The following NFRKB variants were observed in gnomAD, a reference collection of about 807,000 sequenced individuals.
NFRKB encodes the protein nuclear factor related to kappa-B-binding protein.
Under a neutral mutation model 135.7 loss-of-function variants are expected in NFRKB, and 62 were observed. The observed-to-expected ratio is 0.46, with a 90% CI of 0.37 to 0.56. The LOEUF is 0.56. Ranked by LOEUF, NFRKB falls within the 20% of genes least tolerant of loss-of-function variation. The pLI is 0.00. For missense variants in NFRKB, 1,545 were observed against 1,662.0 expected, an observed-to-expected ratio of 0.93 and a Z score of 1.22; for synonymous variants, 678 against 635.6, an observed-to-expected ratio of 1.07 and a Z score of -1.00.
chr11:129,878,968 T>C (rs1948902051), intron 13 of NFRKB, among the ~76,000 whole-genome samples: 1 of 152,226 alleles, frequency 6.6e-6, no homozygotes, highest in Admixed American at 6.5e-5. Context: ...GGCTTCTGGC[T>C]AGTGGGGCAC....
intron 12 of NFRKB, 36 bp from the exon 13 acceptor site, chr11:129,881,544 G>C: frequency 6.2e-7 from 1 of 1,612,556 alleles, no homozygotes; most frequent in Non-Finnish European, 8.5e-7. Flanking sequence ...AACCATACAG[G>C]TGCGTCCCTG....
Position 129,864,495 on chromosome 11 carries a change from T to C in NFRKB, c.*230A>G. ...CTGCAATTTCAACAGAATATTCTCCTAGATTGGTAGAGAGCAGACCTTGGA... is the reference window on the plus strand; with the variant it reads ...CTGCAATTTCAACAGAATATTCTCCCAGATTGGTAGAGAGCAGACCTTGGA... On this transcript the variant is annotated 3_prime_UTR_variant, in exon 27 of 27. Transcript: ENST00000682444. The C allele has an allele frequency of 1.9e-6, 1 of 516,560 alleles. No homozygotes were observed. Among genetic ancestry groups the C allele is most frequent in the Non-Finnish European group, 3.5e-6 (1 of 289,032 alleles). 32.0% of individuals were successfully genotyped at this position (516,560 alleles called of 1,614,324 possible). A position where few individuals can be genotyped will look rare whatever the true frequency, so the allele number is the denominator to read the frequency against.
At position 129,869,645 on chromosome 11, in the gene NFRKB, G is replaced by A. The variant is rs1346322264; in HGVS notation, c.3380C>T (p.Ser1127Leu). Reference sequence around the variant, plus strand: ...ATTCATACTGGGTAAGGACACCGCTGAAGTATGGACAGTTCCAGACCCACT... The same window carrying A: ...ATTCATACTGGGTAAGGACACCGCTAAAGTATGGACAGTTCCAGACCCACT... ...VASGSGTVHT[S>L]AVSLPSMNAA... Residue 1127 changes from serine (S) to leucine (L), a missense_variant, in exon 24 of 27, where the codon TCA (serine) becomes TTA (leucine). Around this residue, in one of 3 missense-constraint regions of NFRKB, gnomAD observed 753 missense variants for 804.3 expected, o/e 0.94. Transcript: ENST00000682444. The A allele has an allele frequency of 2.5e-6, 4 of 1,614,230 alleles. No homozygotes were observed. Among genetic ancestry groups the A allele is most frequent in the African/African-American group, 2.7e-5 (2 of 75,062 alleles).
rs748268009 is a variant in NFRKB, at chr11:129,865,867, T to C, written c.3638+10A>G. The C allele has an allele frequency of 1.9e-6, 3 of 1,613,540 alleles. No homozygotes were observed. The highest frequency in any genetic ancestry group is 2.5e-6 in the Non-Finnish European group (3 of 1,179,556). On this transcript the variant is annotated intron_variant, in intron 25 of 26. Coordinates refer to ENST00000682444, the MANE Select transcript of NFRKB (RefSeq NM_001143835.2). ...CCGAATTGGTTCCTTTACCATGACA[T>C]AGTACTTACTTGGCTCCAAGGTTGC... is the stretch of plus-strand genomic sequence containing the variant.
At position 129,873,603 on chromosome 11, in the gene NFRKB, G is replaced by C. The variant is rs1948619732; in HGVS notation, c.2550+142C>G. 3.4e-6 allele frequency: 4 copies of C among 1,167,340 alleles called. No homozygotes were observed. In the South Asian group the frequency reaches 4.5e-5, roughly 13 times the overall value. The allele number at this position is 1,167,340 out of a possible 1,614,324, so 72.3% of individuals were successfully genotyped here. On this transcript the variant is annotated intron_variant, in intron 22 of 26. Coordinates refer to ENST00000682444, the MANE Select transcript of NFRKB (RefSeq NM_001143835.2). ...ACGCTTACACAGCTCTGAACATTCA[G>C]TGGCTTATTCCGATGAATGTCATCA...
At chr11:129,885,717 C>A in intron 5 of NFRKB, 108 bp from the exon 6 acceptor site, 1 of 978,604 alleles carries the variant, frequency 1.0e-6, no homozygotes, top group Non-Finnish European at 1.4e-6. Context: ...AGCCCAACTC[C>A]CTCCCTCCAG....
chr11:129,875,522 A>C, intron 17 of NFRKB, 59 bp from the exon 18 acceptor site: 3 of 1,356,592 alleles, frequency 2.2e-6, no homozygotes, highest in Middle Eastern at 1.8e-4. Context: ...CGGAGGTACA[A>C]TCTCCTGTAC....
chr11:129,874,672 C>T lies in NFRKB; in HGVS notation c.1979-92G>A. On this transcript the variant is annotated intron_variant, in intron 19 of 26. Transcript: ENST00000682444. This position sits in a 1 kb window ranked among gnomAD's most constrained non-coding sequence, Gnocchi z 4.5. Reference sequence around the variant, plus strand: ...TAAAAACCAACACCTTGCCAGTGGACTGAATCCTGCCTCTACCATCTTGTC... The same window carrying T: ...TAAAAACCAACACCTTGCCAGTGGATTGAATCCTGCCTCTACCATCTTGTC... The T allele has an allele frequency of 2.5e-6, 4 of 1,601,770 alleles. No homozygotes were observed. Among genetic ancestry groups the T allele is most frequent in the Non-Finnish European group, 3.4e-6 (4 of 1,171,630 alleles).
chr11:129,886,476 C>T, intron 4 of NFRKB, 32 bp from the exon 5 acceptor site: 2 of 1,596,864 alleles, frequency 1.3e-6, no homozygotes, highest in Non-Finnish European at 1.7e-6. Context: ...ATATTTACAT[C>T]AATCAACAAA....
At chr11:129,882,057 T>C (rs375857168) in intron 11 of NFRKB, 29 bp downstream of exon 11, 3 of 1,565,934 alleles carry the variant, frequency 1.9e-6, no homozygotes, top group South Asian at 1.2e-5. Context: ...AAAACTCTAA[T>C]GTACCTCCAA....
intron 24 of NFRKB, among the ~76,000 whole-genome samples, chr11:129,868,764 C>CA (rs1230142852): frequency 7.9e-5 from 12 of 152,198 alleles, no homozygotes; most frequent in African/African-American, 2.7e-4. Context: ...GGCGGTGACT[C>CA]ACGCCTGTAA....
In NFRKB at chr11:129,864,697, C is replaced by A; in HGVS notation, c.*28G>T. ...TCAGCCAGGACAGACCAGGCATGGT[C>A]TTTCACGGAAGCCATCCTCTCTCAT... On this transcript the variant is annotated 3_prime_UTR_variant, in exon 27 of 27. Transcript: ENST00000682444. 1 of 1,613,846 alleles carries A rather than the reference C, an allele frequency of 6.2e-7. No homozygotes were observed. The highest frequency in any genetic ancestry group is 1.1e-5 in the South Asian group (1 of 91,030).
rs1948668200 is a variant in NFRKB, at chr11:129,874,415, C to T, written c.2059-82G>A. ...GGGACACCCCTACAGCTCCTGATGC[C>T]CCACACCAAGTGAAAGCCGAGCAGC... On this transcript the variant is annotated intron_variant, in intron 20 of 26. Coordinates refer to ENST00000682444, the MANE Select transcript of NFRKB (RefSeq NM_001143835.2). The surrounding 1 kb of genome is among the most constrained non-coding windows in gnomAD (Gnocchi z 4.5). 9.7e-6 allele frequency: 15 copies of T among 1,547,770 alleles called. No individual in the cohort carries two copies. The South Asian group carries it at 1.8e-4, about 18-fold the overall frequency.
rs771421997 is a variant in NFRKB, at chr11:129,881,631, G to C, written c.1318+96C>G. 3 of 1,584,206 alleles carry C rather than the reference G, an allele frequency of 1.9e-6. No individual in the cohort carries two copies. In the African/African-American group the frequency reaches 4.1e-5, roughly 21 times the overall value. ...CTTCAAGGCATAGCATTATGCAAAG[G>C]CATGATGGATTACACGAGCAAAGCT... On this transcript the variant is annotated intron_variant, in intron 12 of 26. Transcript: ENST00000682444.
chr11:129,873,642 T>A lies in NFRKB; in HGVS notation c.2550+103A>T, dbSNP rs1019782829. The A allele has an allele frequency of 5.5e-6, 8 of 1,461,596 alleles. No individual in the cohort carries two copies. The Admixed American group carries it at 1.5e-4, about 28-fold the overall frequency. The allele number at this position is 1,461,596 out of a possible 1,614,324, so 90.5% of individuals were successfully genotyped here. On this transcript the variant is annotated intron_variant, in intron 22 of 26. Transcript: ENST00000682444. The stretch of plus-strand genomic sequence containing the variant: ...TGAATGTCATCACCAGTAGCAATAA[T>A]CTATGGCTCCCCAGTCCTTACCCAG...
At chr11:129,867,977 C>A (rs1283341908) in intron 24 of NFRKB, among the ~76,000 whole-genome samples, 1 of 151,664 alleles carries the variant, frequency 6.6e-6, no homozygotes, top group African/African-American at 2.4e-5. Context: ...ATCCTATTCA[C>A]AAAAATATAT....
In NFRKB at chr11:129,874,217, G is replaced by A. The variant is rs759291592; in HGVS notation, c.2175C>T (p.Pro725=). 6.6e-7 allele frequency: 1 copy of A among 1,519,926 alleles called. No homozygotes were observed. Among genetic ancestry groups the A allele is most frequent in the East Asian group, 2.3e-5 (1 of 44,114 alleles). 94.2% of individuals were successfully genotyped at this position (1,519,926 alleles called of 1,614,324 possible). Residue 725 remains proline, a synonymous_variant, in exon 21 of 27, where the codon CCC becomes CCT. Transcript: ENST00000682444. This position sits in a 1 kb window ranked among gnomAD's most constrained non-coding sequence, Gnocchi z 4.5. The stretch of plus-strand genomic sequence containing the variant: ...GAATGGCGGGCAATGCTGGTGTGGT[G>A]GGGGTTACAGGTGTGACTGGGGTGG... ...MPPTPVTPVT[P]TTPALPAIPI...
chr11:129,874,623 G>A lies in NFRKB; in HGVS notation c.1979-43C>T. The A allele has an allele frequency of 6.2e-7, 1 of 1,608,764 alleles. No individual in the cohort carries two copies. Among genetic ancestry groups the A allele is most frequent in the Non-Finnish European group, 8.5e-7 (1 of 1,177,848 alleles). On this transcript the variant is annotated intron_variant, in intron 19 of 26. Transcript: ENST00000682444. The surrounding 1 kb of genome is among the most constrained non-coding windows in gnomAD (Gnocchi z 4.5). ...AAGCTTCAGCCAGAGTTTAACCTTA[G>A]CAAACTAAAAAGAGGGGCTTTGTTA...
chr11:129,866,074 G>T, intron 24 of NFRKB, 91 bp from the exon 25 acceptor site: 2 of 1,077,656 alleles, frequency 1.9e-6, no homozygotes, highest in Non-Finnish European at 2.6e-6. Flanking sequence ...TGAGAAGCAA[G>T]CACTACAGAT....
Sources: gnomAD v4.1 joint callset for allele counts (sites outside exome capture counted in the v4.1 genomes callset) on GRCh38, gnomAD v4.1.1 for gene constraint, gnomAD v4.1.1 regional missense constraint, Gnocchi (gnomAD v3.1) non-coding constraint, MANE v1.5 for transcripts, NCBI Gene and HGNC (gene_info 2026-07-23, HGNC 2026-07-21) for gene names.